The following CNTN5 variants were observed in gnomAD, a reference collection of about 807,000 sequenced individuals.
The protein encoded by CNTN5 is contactin-5.
Under a neutral mutation model 129.1 loss-of-function variants are expected in CNTN5, and 77 were observed. The observed-to-expected ratio is 0.60, with a 90% CI of 0.50 to 0.72. CNTN5 has a LOEUF of 0.72. Ranked by LOEUF, CNTN5 falls within the 30% of genes least tolerant of loss-of-function variation. The probability of loss-of-function intolerance (pLI) is 0.00; values close to 1 mark genes in which losing one functional copy is unlikely to be tolerated. For missense variants in CNTN5, 1,478 were observed against 1,328.8 expected (o/e 1.11, Z -1.75); for synonymous variants, 509 against 465.6 (o/e 1.09, Z -1.20).
intron 1 of CNTN5, among the ~76,000 whole-genome samples, chr11:99,138,655 A>G (rs866968501): frequency 7.9e-4 from 121 of 152,332 alleles, no homozygotes; most frequent in African/African-American, 2.9e-3. Flanking sequence ...AACTTGTTCA[A>G]AGAAACTATA....
chr11:100,168,572 C>T (rs1947722271), intron 13 of CNTN5, among the ~76,000 whole-genome samples: 1 of 152,048 alleles, frequency 6.6e-6, no homozygotes, highest in East Asian at 1.9e-4. Flanking sequence ...AAATACTGCT[C>T]AGAATAAGAT....
Position 100,074,222 on chromosome 11 carries a change from G to A in CNTN5, c.1508G>A (p.Cys503Tyr). ...VTKDQEVVIE[C>Y]KPQGSPKPTI... is the part of the protein sequence containing the mutation. The stretch of plus-strand genomic sequence containing the variant: ...AAAGACCAAGAAGTTGTCATAGAGT[G>A]CAAACCCCAAGGCTCTCCAAAACCA... The change falls in exon 13 of 25, where the codon TGC becomes TAC. Residue 503 changes from cysteine to tyrosine, a missense_variant. Transcript: ENST00000524871. 1 of 1,611,910 alleles carries A rather than the reference G, an allele frequency of 6.2e-7. No homozygotes were observed.
chr11:99,027,198 A>G (rs962371324), intron 1 of CNTN5, among the ~76,000 whole-genome samples: 8 of 151,556 alleles, frequency 5.3e-5, no homozygotes, highest in African/African-American at 1.7e-4. Context: ...TCCATGGCAT[A>G]TATGTAAGGG....
At chr11:99,676,999 C>T (rs926620355) in intron 3 of CNTN5, among the ~76,000 whole-genome samples, 1 of 152,208 alleles carries the variant, frequency 6.6e-6, no homozygotes, top group South Asian at 2.1e-4. Context: ...AACTCAAACT[C>T]ATTATCAAGC....
intron 2 of CNTN5, among the ~76,000 whole-genome samples, chr11:99,339,313 TA>T (rs1866401567): frequency 1.3e-5 from 2 of 152,172 alleles, no homozygotes; most frequent in African/African-American, 4.8e-5. Context: ...TTGGCAGAAA[TA>T]AATCTCAGTT....
intron 2 of CNTN5, among the ~76,000 whole-genome samples, chr11:99,485,836 A>G (rs1945789814): frequency 6.6e-6 from 1 of 152,046 alleles, no homozygotes; most frequent in South Asian, 2.1e-4. Flanking sequence ...TAATGAGTAT[A>G]ATACTCAATG....
At chr11:100,025,783 A>T (rs1941388806) in intron 9 of CNTN5, among the ~76,000 whole-genome samples, 1 of 152,188 alleles carries the variant, frequency 6.6e-6, no homozygotes, top group South Asian at 2.1e-4. Context: ...TGTTTCAGCC[A>T]ATTTCTCCCA....
intron 2 of CNTN5, among the ~76,000 whole-genome samples, chr11:99,508,210 T>A (rs185255135): frequency 4.6e-5 from 7 of 152,270 alleles, no homozygotes; most frequent in African/African-American, 1.7e-4. Flanking sequence ...CGTTGTAAAA[T>A]GAAAATAATA....
chr11:100,230,105 G>T (rs1422215933), intron 16 of CNTN5, among the ~76,000 whole-genome samples: 2 of 152,052 alleles, frequency 1.3e-5, no homozygotes, highest in South Asian at 2.1e-4. Flanking sequence ...AAATACATTT[G>T]CAAATAATAT....
intron 1 of CNTN5, among the ~76,000 whole-genome samples, chr11:99,251,168 T>C (rs78821318): frequency 0.092 from 14,033 of 151,946 alleles, 690 homozygotes; most frequent in Middle Eastern, 0.12. Context: ...ACAAAAGTCA[T>C]CTAAGCAATT....
intron 3 of CNTN5, among the ~76,000 whole-genome samples, chr11:99,753,862 A>C (rs1007680037): frequency 6.6e-6 from 1 of 150,632 alleles, no homozygotes; most frequent in African/African-American, 2.4e-5. Context: ...TAATTTTTGT[A>C]TTTTTAGTAG....
rs558116826 is a variant in CNTN5 at position 99,093,351 on chromosome 11, G to A, written c.-210+72081G>A. Among the ~76,000 whole-genome samples the A allele has an allele frequency of 2.0e-5, 3 of 152,052 alleles. No individual in the cohort carries two copies. The South Asian group carries it at 6.2e-4, about 32-fold the overall frequency. On this transcript the variant is annotated intron_variant, in intron 1 of 24. Transcript: ENST00000524871. Reference sequence around the variant, plus strand: ...CAGACACTAGGAAGTAATCTCTGAAGGATAGGAAGCAAAGCATAAATCAAA... The same window carrying A: ...CAGACACTAGGAAGTAATCTCTGAAAGATAGGAAGCAAAGCATAAATCAAA...
rs1246899683 is a variant in CNTN5 at position 99,658,163 on chromosome 11, A to T, written c.55+101894A>T. On this transcript the variant is annotated intron_variant, in intron 3 of 24. Transcript: ENST00000524871. ...AAACACAAAAGCAAAACAAAAAAAA[A>T]TTACTCAGGTTGCAACAAGTAATCT... 2.0e-5 allele frequency among the ~76,000 whole-genome samples: 3 copies of T among 152,176 alleles called. No homozygotes were observed. The East Asian group carries it at 5.8e-4, about 29-fold the overall frequency.
At chr11:100,048,663 A>G (rs1431721773) in intron 9 of CNTN5, among the ~76,000 whole-genome samples, 1 of 152,058 alleles carries the variant, frequency 6.6e-6, no homozygotes, top group Non-Finnish European at 1.5e-5. Context: ...ACTGTAAAAT[A>G]TACTAGATAA....
intron 1 of CNTN5, among the ~76,000 whole-genome samples, chr11:99,109,185 T>C (rs1857666006): frequency 6.6e-6 from 1 of 151,854 alleles, no homozygotes; most frequent in Non-Finnish European, 1.5e-5. Flanking sequence ...CTGATGTTGT[T>C]ACATGTGTAT....
At chr11:99,762,389 A>G (rs1303832436) in intron 3 of CNTN5, among the ~76,000 whole-genome samples, 2 of 151,818 alleles carry the variant, frequency 1.3e-5, no homozygotes, top group Admixed American at 6.6e-5. Flanking sequence ...TAGGGTTTTT[A>G]TGGTTTTAGG....
At chr11:99,331,410 T>C (rs1418259842) in intron 2 of CNTN5, among the ~76,000 whole-genome samples, 4 of 152,124 alleles carry the variant, frequency 2.6e-5, no homozygotes, top group African/African-American at 9.7e-5. Flanking sequence ...AAGGCAGAAC[T>C]TTAAATTTTA....
At chr11:99,084,359 C>T (rs1193829414) in intron 1 of CNTN5, among the ~76,000 whole-genome samples, 1 of 152,160 alleles carries the variant, frequency 6.6e-6, no homozygotes, top group Non-Finnish European at 1.5e-5. Flanking sequence ...TCCTATTTGG[C>T]CCTAGGCAAC....
chr11:99,355,929 C>A (rs1253919307), intron 2 of CNTN5, among the ~76,000 whole-genome samples: 1 of 151,446 alleles, frequency 6.6e-6, no homozygotes, highest in Non-Finnish European at 1.5e-5. Flanking sequence ...TGGGTTCATG[C>A]CATTCTTCTG....
Sources: gnomAD v4.1 joint callset for allele counts (sites outside exome capture counted in the v4.1 genomes callset) on GRCh38, gnomAD v4.1.1 for gene constraint, MANE v1.5 for transcripts, NCBI Gene and HGNC (gene_info 2026-07-23, HGNC 2026-07-21) for gene names.